The following RPS6KC1 variants were observed in gnomAD, a reference collection of about 807,000 sequenced individuals.
RPS6KC1 encodes ribosomal protein S6 kinase C1, also known as inactive ribosomal protein S6 kinase delta-1.
In RPS6KC1, 54 loss-of-function variants were observed where a neutral mutation model predicts 103.8. The ratio of observed to expected loss-of-function variants is 0.52; its 90% CI spans 0.42 to 0.65. The LOEUF (loss-of-function observed/expected upper bound fraction) is 0.65, where lower values mean the gene tolerates loss of function less well. Ranked by LOEUF, RPS6KC1 falls within the 30% of genes least tolerant of loss-of-function variation. The pLI, the probability that RPS6KC1 is intolerant of heterozygous loss-of-function variation, is 0.00. For synonymous variants in RPS6KC1, 439 were observed against 438.7 expected, an observed-to-expected ratio of 1.00 and a Z score of -0.01; for missense variants, 1,151 against 1,253.8, an observed-to-expected ratio of 0.92 and a Z score of 1.24.
chr1:213,713,764 G>A, the RPS6KC1 span, among the ~76,000 whole-genome samples: 17 of 152,170 alleles, frequency 1.1e-4, no homozygotes, highest in Non-Finnish European at 1.9e-4. Context: ...TCTGAACCAA[G>A]CAGATGCAGA....
intron 3 of RPS6KC1, among the ~76,000 whole-genome samples, chr1:213,082,410 G>A (rs2079982786): frequency 6.6e-6 from 1 of 152,016 alleles, no homozygotes; most frequent in Admixed American, 6.6e-5. Context: ...TAGCCTGGGC[G>A]ACAGAGCGAG....
rs371956004 is a variant in RPS6KC1 at position 213,180,964 on chromosome 1, C to T, written c.1044+4472C>T. Reference sequence around the variant, plus strand: ...GAGCCCATAGTTTAGTATACAGTAACGTACCAATGTTACTTTCCTGGTTTT... The same window carrying T: ...GAGCCCATAGTTTAGTATACAGTAATGTACCAATGTTACTTTCCTGGTTTT... On this transcript the variant is annotated intron_variant, in intron 8 of 14. Coordinates refer to ENST00000366960, the MANE Select transcript of RPS6KC1 (RefSeq NM_012424.6). Among the ~76,000 whole-genome samples the T allele has an allele frequency of 5.9e-5, 9 of 152,130 alleles. No homozygotes were observed. The South Asian group carries it at 6.2e-4, about 11-fold the overall frequency.
the RPS6KC1 span, among the ~76,000 whole-genome samples, chr1:213,401,793 T>C: frequency 6.6e-6 from 1 of 151,974 alleles, no homozygotes. Flanking sequence ...ACTTTATTTA[T>C]TTATTTATTT....
chr1:213,505,525 G>A, the RPS6KC1 span, among the ~76,000 whole-genome samples: 1 of 152,166 alleles, frequency 6.6e-6, no homozygotes. Flanking sequence ...AGAACTTCAG[G>A]TTTTTGTTGT....
At chr1:213,761,442 G>A in the RPS6KC1 span, among the ~76,000 whole-genome samples, 1 of 152,178 alleles carries the variant, frequency 6.6e-6, no homozygotes, top group Non-Finnish European at 1.5e-5. Context: ...CATAACTGGG[G>A]CTGTAATGGG....
At chr1:213,403,709 T>C in the RPS6KC1 span, among the ~76,000 whole-genome samples, 8 of 152,288 alleles carry the variant, frequency 5.3e-5, no homozygotes, top group Middle Eastern at 3.4e-3. Context: ...CCACCAAATA[T>C]GTCAATCAAG....
At chr1:213,639,491 T>A in the RPS6KC1 span, among the ~76,000 whole-genome samples, 2 of 151,974 alleles carry the variant, frequency 1.3e-5, no homozygotes, top group African/African-American at 4.8e-5. Flanking sequence ...GGGAGGAGAA[T>A]CTTTTACCCT....
chr1:213,555,533 C>T, the RPS6KC1 span, among the ~76,000 whole-genome samples: 32 of 152,222 alleles, frequency 2.1e-4, no homozygotes, highest in African/African-American at 4.8e-4. Context: ...ACTGCAGCCT[C>T]GACCCCCTGG....
chr1:213,211,645 A>G (rs2093510158), intron 8 of RPS6KC1, among the ~76,000 whole-genome samples: 1 of 152,236 alleles, frequency 6.6e-6, no homozygotes. Context: ...CATATAAAAG[A>G]TATTTCTTTG....
At chr1:213,366,974 A>G in the RPS6KC1 span, among the ~76,000 whole-genome samples, 5 of 152,254 alleles carry the variant, frequency 3.3e-5, no homozygotes, top group East Asian at 9.6e-4. Flanking sequence ...ATTTGAAGAT[A>G]GAGGTCGTAG....
At chr1:213,406,489 A>G in the RPS6KC1 span, among the ~76,000 whole-genome samples, 1 of 152,074 alleles carries the variant, frequency 6.6e-6, no homozygotes, top group Non-Finnish European at 1.5e-5. Context: ...CTTTCCCTGG[A>G]GGTCAGAGGA....
the RPS6KC1 span, among the ~76,000 whole-genome samples, chr1:213,743,360 C>T: frequency 6.6e-6 from 1 of 151,936 alleles, no homozygotes; most frequent in Non-Finnish European, 1.5e-5. Flanking sequence ...TAAACATGAA[C>T]AATAGACACT....
At position 213,230,652 on chromosome 1, in the gene RPS6KC1, T is replaced by C. The variant is rs2094074775; in HGVS notation, c.1092+108T>C. The C allele has an allele frequency of 3.2e-6, 2 of 625,962 alleles. 1 individual carries two copies. The highest frequency in any genetic ancestry group is 5.4e-5 in the South Asian group (2 of 37,118). 38.8% of individuals were successfully genotyped at this position (625,962 alleles called of 1,614,324 possible). On this transcript the variant is annotated intron_variant, in intron 9 of 14. Coordinates refer to ENST00000366960, the MANE Select transcript of RPS6KC1 (RefSeq NM_012424.6). ...GAGTTCGAGACTATCCTGGCCAACA[T>C]GGTGAAACCCCGTTTCTACTAAAAA...
intron 12 of RPS6KC1, among the ~76,000 whole-genome samples, chr1:213,249,566 T>C (rs138200071): frequency 6.6e-6 from 1 of 152,324 alleles, no homozygotes; most frequent in Non-Finnish European, 1.5e-5. Context: ...CCTGTCATTC[T>C]CACAATTTTC....
chr1:213,792,264 T>C, the RPS6KC1 span, among the ~76,000 whole-genome samples: 1 of 152,200 alleles, frequency 6.6e-6, no homozygotes, highest in Non-Finnish European at 1.5e-5. Context: ...CCAGTTTAAT[T>C]GGAAGAGTGC....
the RPS6KC1 span, among the ~76,000 whole-genome samples, chr1:213,354,706 T>C: frequency 1.3e-5 from 2 of 152,168 alleles, no homozygotes; most frequent in African/African-American, 4.8e-5. Flanking sequence ...TCTCTCTCCC[T>C]TTCCTTATAA....
chr1:213,356,452 C>T, the RPS6KC1 span, among the ~76,000 whole-genome samples: 26 of 152,032 alleles, frequency 1.7e-4, no homozygotes, highest in Non-Finnish European at 2.6e-4. Context: ...GTCAGGAGTT[C>T]GAGACCAGCC....
chr1:213,059,032 A>T (rs909122349), intron 1 of RPS6KC1, among the ~76,000 whole-genome samples: 4 of 152,302 alleles, frequency 2.6e-5, no homozygotes, highest in African/African-American at 4.8e-5. Flanking sequence ...TAGTATTTTT[A>T]AAAATCTTGG....
the RPS6KC1 span, among the ~76,000 whole-genome samples, chr1:213,641,442 G>T: frequency 6.6e-6 from 1 of 151,996 alleles, no homozygotes; most frequent in South Asian, 2.1e-4. Flanking sequence ...ATTTAGACCC[G>T]AAGTTTCGAT....
Sources: gnomAD v4.1 joint callset for allele counts (sites outside exome capture counted in the v4.1 genomes callset) on GRCh38, gnomAD v4.1.1 for gene constraint, MANE v1.5 for transcripts, NCBI Gene and HGNC (gene_info 2026-07-23, HGNC 2026-07-21) for gene names.